CASD1: variants seen among roughly 807,000 people sequenced by gnomAD.
CASD1 encodes the protein CAS1 domain sialic acid O acetyltransferase 1, also known as N-acetylneuraminate (7)9-O-acetyltransferase.
In CASD1, 41 loss-of-function variants were observed where a neutral mutation model predicts 100.0. That is an observed-to-expected ratio of 0.41 (90% CI 0.32 to 0.53). The LOEUF (loss-of-function observed/expected upper bound fraction) is 0.53. CASD1 is among the 20% of genes least tolerant of loss of function. The pLI, the probability that CASD1 is intolerant of heterozygous loss-of-function variation, is 0.25. For synonymous variants in CASD1, 321 were observed against 315.6 expected (o/e 1.02, Z -0.18); for missense variants, 774 against 948.7 (o/e 0.82, Z 2.42).
the CASD1 span, among the ~76,000 whole-genome samples, chr7:94,615,308 G>C: frequency 1.3e-5 from 2 of 151,994 alleles, no homozygotes; most frequent in Middle Eastern, 3.4e-3. Flanking sequence ...GCTGTGAGTC[G>C]AGATCCCACC....
chr7:94,516,805 C>G (rs933732718), intron 1 of CASD1, among the ~76,000 whole-genome samples: 7 of 151,988 alleles, frequency 4.6e-5, no homozygotes, highest in African/African-American at 1.5e-4. Flanking sequence ...ACGGAACTTT[C>G]TGTTTAAAAC....
chr7:94,539,424 T>A (rs1466225648), intron 10 of CASD1, among the ~76,000 whole-genome samples: 2 of 152,092 alleles, frequency 1.3e-5, no homozygotes, highest in Non-Finnish European at 2.9e-5. Flanking sequence ...ATCCTAGCAC[T>A]TTCGGAGGCC....
the CASD1 span, chr7:94,598,900 C>G: frequency 1.2e-6 from 2 of 1,613,820 alleles, no homozygotes; most frequent in Non-Finnish European, 1.7e-6. Flanking sequence ...TCTCTCTATT[C>G]TTGGACATGT....
the CASD1 span, among the ~76,000 whole-genome samples, chr7:94,581,880 C>G: frequency 1.3e-5 from 2 of 152,214 alleles, no homozygotes; most frequent in South Asian, 4.2e-4. Context: ...TACTCCTTTG[C>G]GTATATACCC....
At chr7:94,619,124 A>C in the CASD1 span, 1 of 619,926 alleles carries the variant, frequency 1.6e-6, no homozygotes, top group Non-Finnish European at 2.9e-6. Context: ...GTATCTAAAA[A>C]CATAACTGAC....
At chr7:94,628,113 C>G in the CASD1 span, 1 of 1,041,442 alleles carries the variant, frequency 9.6e-7, no homozygotes, top group African/African-American at 1.6e-5. Flanking sequence ...ACTTTAGTTT[C>G]AACACTTAAA....
At chr7:94,627,124 T>G in the CASD1 span, 1 of 152,016 alleles carries the variant, frequency 6.6e-6, no homozygotes, top group African/African-American at 2.4e-5. Context: ...GATTTATAGA[T>G]AGAAATCACT....
chr7:94,555,148 T>G lies in CASD1; in HGVS notation c.2128-344T>G, dbSNP rs1024542970. 2.6e-5 allele frequency among the ~76,000 whole-genome samples: 4 copies of G among 152,262 alleles called. No homozygotes were observed. In the East Asian group the frequency reaches 5.8e-4, roughly 22 times the overall value. Reference sequence around the variant, plus strand: ...GCTTTATTATTTGAAATAGAATGTTTTAAAACAATTTATATTGTAATAACA... The same window carrying G: ...GCTTTATTATTTGAAATAGAATGTTGTAAAACAATTTATATTGTAATAACA... On this transcript the variant is annotated intron_variant, in intron 17 of 17. Coordinates refer to ENST00000297273, the MANE Select transcript of CASD1 (RefSeq NM_022900.5).
the CASD1 span, among the ~76,000 whole-genome samples, chr7:94,591,686 T>C: frequency 1.3e-5 from 2 of 152,168 alleles, no homozygotes; most frequent in African/African-American, 4.8e-5. Context: ...TGGAAACCAC[T>C]GATCAAAGTC....
At chr7:94,552,290 G>T in intron 15 of CASD1, 60 bp from the exon 16 acceptor site, 2 of 1,091,888 alleles carry the variant, frequency 1.8e-6, no homozygotes, top group Non-Finnish European at 1.4e-6. Context: ...AAAACACTGT[G>T]AGGCTTATGC....
the CASD1 span, among the ~76,000 whole-genome samples, chr7:94,581,208 T>C: frequency 2.0e-5 from 3 of 152,190 alleles, no homozygotes; most frequent in Non-Finnish European, 4.4e-5. Flanking sequence ...TAAAGGCTCT[T>C]AGAACATATC....
At chr7:94,611,047 G>A in the CASD1 span, among the ~76,000 whole-genome samples, 2 of 152,164 alleles carry the variant, frequency 1.3e-5, no homozygotes, top group African/African-American at 4.8e-5. Flanking sequence ...TATTTTGCTG[G>A]TGGAAATGTA....
intron 4 of CASD1, 68 bp downstream of exon 4, chr7:94,527,274 A>G (rs755917104): frequency 1.4e-4 from 156 of 1,106,434 alleles, no homozygotes; most frequent in Non-Finnish European, 1.9e-4. Flanking sequence ...AATTGAACAT[A>G]CTAAGTATAT....
chr7:94,513,939 C>T (rs1793843999), intron 1 of CASD1, among the ~76,000 whole-genome samples: 1 of 151,922 alleles, frequency 6.6e-6, no homozygotes, highest in Non-Finnish European at 1.5e-5. Flanking sequence ...TATATTTTTT[C>T]CAAATGTTAT....
At chr7:94,588,725 G>T in the CASD1 span, 2 of 1,611,992 alleles carry the variant, frequency 1.2e-6, no homozygotes, top group Non-Finnish European at 1.7e-6. Context: ...GTCTGATGTG[G>T]CAAGTTCCTA....
the CASD1 span, among the ~76,000 whole-genome samples, chr7:94,576,659 G>A: frequency 6.6e-6 from 1 of 152,144 alleles, no homozygotes. Context: ...CCAAGGCTTC[G>A]GTGAGCTTTC....
chr7:94,537,460 A>G lies in CASD1; in HGVS notation c.844-12A>G. On this transcript the variant is annotated splice_polypyrimidine_tract_variant and intron_variant, in intron 8 of 17. Transcript: ENST00000297273. Reference sequence around the variant, plus strand: ...GACAAGATAATAACCAAATAACTTGATTTGTTCACAGACTGCAATGATTCT... The same window carrying G: ...GACAAGATAATAACCAAATAACTTGGTTTGTTCACAGACTGCAATGATTCT... The G allele has an allele frequency of 6.3e-7, 1 of 1,583,458 alleles. No homozygotes were observed. Among genetic ancestry groups the G allele is most frequent in the Non-Finnish European group, 8.6e-7 (1 of 1,167,298 alleles).
Position 94,537,678 on chromosome 7 carries a change from A to C in CASD1, c.1050A>C (p.Gly350=). 1 of 1,613,694 alleles carries C rather than the reference A, an allele frequency of 6.2e-7. No homozygotes were observed. The highest frequency in any genetic ancestry group is 8.5e-7 in the Non-Finnish European group (1 of 1,179,718). Reference sequence around the variant, plus strand: ...AGCCGTGTACTGATTTGGAAAGTGGAGAGGAAAAGAAAAATATTATCAATA... The same window carrying C: ...AGCCGTGTACTGATTTGGAAAGTGGCGAGGAAAAGAAAAATATTATCAATA... ...KNKPCTDLES[G]EEKKNIINTP... The change falls in exon 9 of 18, where the codon GGA becomes GGC. Residue 350 remains glycine, a synonymous_variant. Coordinates refer to ENST00000297273, the MANE Select transcript of CASD1 (RefSeq NM_022900.5).
chr7:94,544,065 A>G (rs1255098495), intron 10 of CASD1, among the ~76,000 whole-genome samples: 4 of 152,202 alleles, frequency 2.6e-5, no homozygotes, highest in Non-Finnish European at 4.4e-5. Flanking sequence ...TTGAATTTTA[A>G]TTGGGTACAA....
Sources: gnomAD v4.1 joint callset for allele counts (sites outside exome capture counted in the v4.1 genomes callset) on GRCh38, gnomAD v4.1.1 for gene constraint, MANE v1.5 for transcripts, NCBI Gene and HGNC (gene_info 2026-07-23, HGNC 2026-07-21) for gene names.